INTS4: variants seen among roughly 807,000 people sequenced by gnomAD.
INTS4 encodes MSTP093.
Under a neutral mutation model 119.5 loss-of-function variants are expected in INTS4, and 70 were observed. The ratio of observed to expected loss-of-function variants is 0.59; its 90% confidence interval spans 0.48 to 0.71. INTS4 has a LOEUF of 0.71. Among genes scored for constraint, INTS4 ranks in the 30% least tolerant of loss-of-function variants. The pLI, the probability that INTS4 is intolerant of heterozygous loss-of-function variation, is 0.00. For synonymous variants in INTS4, 316 were observed against 419.6 expected, an observed-to-expected ratio of 0.75 and a Z score of 3.02; for missense variants, 867 against 1,173.2, an observed-to-expected ratio of 0.74 and a Z score of 3.81.
Position 77,921,409 on chromosome 11 carries a change from G to A in INTS4, c.1695C>T (p.Phe565=), listed in dbSNP as rs1953358035. The A allele has an allele frequency of 6.2e-7, 1 of 1,610,952 alleles. No individual in the cohort carries two copies. Among genetic ancestry groups the A allele is most frequent in the African/African-American group, 1.3e-5 (1 of 74,794 alleles). The change falls in exon 14 of 23, where the codon TTC becomes TTT. Residue 565 remains phenylalanine (F), a synonymous_variant. Transcript: ENST00000534064. ...AKTCPTMPAL[F]SDHTFRHYAY... ...CATAGTGCCTGAAGGTGTGATCTGA[G>A]AACAATGCTGGCATTGTTGGACAGG...
chr11:77,968,897 G>T (rs939507093), intron 4 of INTS4, among the ~76,000 whole-genome samples: 1 of 152,140 alleles, frequency 6.6e-6, no homozygotes, highest in Non-Finnish European at 1.5e-5. Context: ...TGGAAAAAAT[G>T]TAAATGTTGA....
intron 17 of INTS4, 109 bp downstream of exon 17, chr11:77,903,431 T>A: frequency 6.2e-7 from 1 of 1,607,260 alleles, no homozygotes; most frequent in Non-Finnish European, 8.5e-7. Flanking sequence ...CCACAACTTT[T>A]CCTGCAAGGC....
chr11:77,922,589 T>C lies in INTS4; in HGVS notation c.1515-118A>G, dbSNP rs1953390026. 5.5e-6 allele frequency: 4 copies of C among 731,172 alleles called. No individual in the cohort carries two copies. The Admixed American group carries it at 8.8e-5, about 16-fold the overall frequency. 45.3% of individuals were successfully genotyped at this position (731,172 alleles called of 1,614,324 possible). ...AATTGGAAATTCTCAACCATATACT[T>C]TTGCTAACTCTATGACTTCAGATAA... On this transcript the variant is annotated intron_variant, in intron 12 of 22. Coordinates refer to ENST00000534064, the MANE Select transcript of INTS4 (RefSeq NM_033547.4).
Position 77,960,255 on chromosome 11 carries a change from C to T in INTS4, c.708+86G>A, listed in dbSNP as rs747115213. On this transcript the variant is annotated intron_variant, in intron 6 of 22. Transcript: ENST00000534064. ...CCACTATTAACTAGCGAAGTCCTTA[C>T]GTTTTCAAATTCTGAGAACCTGTGT... The T allele has an allele frequency of 1.8e-5, 17 of 919,836 alleles. No individual in the cohort carries two copies. In the East Asian group the frequency reaches 2.4e-4, roughly 13 times the overall value. 57.0% of individuals were successfully genotyped at this position (919,836 alleles called of 1,614,324 possible). A position where few individuals can be genotyped will look rare whatever the true frequency, so the allele number is the denominator to read the frequency against.
intron 8 of INTS4, among the ~76,000 whole-genome samples, chr11:77,954,482 T>A (rs1289843245): frequency 2.6e-5 from 4 of 152,016 alleles, no homozygotes; most frequent in South Asian, 2.1e-4. Context: ...AGGGTTACTG[T>A]AAAGAGAAAA....
intron 9 of INTS4, 51 bp downstream of exon 9, chr11:77,941,129 C>T (rs767885847): frequency 1.2e-6 from 2 of 1,600,142 alleles, no homozygotes; most frequent in South Asian, 2.3e-5. Flanking sequence ...CATACTGCCC[C>T]ACTACATTGG....
chr11:77,926,034 ATT>A (rs1328545172), intron 11 of INTS4, among the ~76,000 whole-genome samples: 3 of 152,192 alleles, frequency 2.0e-5, no homozygotes, highest in Admixed American at 6.5e-5. Flanking sequence ...ATCTGAAATC[ATT>A]TTGTTTGTTT....
rs1429772985 is a variant in INTS4 at position 77,924,903 on chromosome 11, A to C, written c.1372-11T>G. The C allele has an allele frequency of 6.3e-7, 1 of 1,598,476 alleles. No homozygotes were observed. Among genetic ancestry groups the C allele is most frequent in the South Asian group, 1.1e-5 (1 of 89,412 alleles). ...ATCTCTGGATGAATCCTTTTAAAAA[A>C]AAAGTAATAATAACAGTAGTTACTG... is the stretch of plus-strand genomic sequence containing the variant. On this transcript the variant is annotated splice_polypyrimidine_tract_variant and intron_variant, in intron 11 of 22. Transcript: ENST00000534064.
chr11:77,940,642 G>A, intron 9 of INTS4, among the ~76,000 whole-genome samples: 1 of 151,922 alleles, frequency 6.6e-6, no homozygotes, highest in East Asian at 1.9e-4. Flanking sequence ...TTGTTTTTTG[G>A]GTTTTGTTTT....
At chr11:77,912,813 T>C (rs773045057) in intron 15 of INTS4, among the ~76,000 whole-genome samples, 204 of 152,174 alleles carry the variant, frequency 1.3e-3, no homozygotes, top group Non-Finnish European at 1.9e-3. Flanking sequence ...CCAGTTCCAA[T>C]ACTACACAAT....
intron 19 of INTS4, 49 bp from the exon 20 acceptor site, chr11:77,891,889 C>T (rs1392805509): frequency 2.5e-6 from 4 of 1,609,098 alleles, no homozygotes; most frequent in Admixed American, 3.3e-5. Context: ...TGCACTCATT[C>T]ACCACAGGCT....
intron 15 of INTS4, among the ~76,000 whole-genome samples, chr11:77,912,870 A>C (rs1953120724): frequency 1.3e-5 from 2 of 152,234 alleles, no homozygotes. Context: ...CAAAAAGAGG[A>C]TTTTAAATAA....
chr11:77,927,421 T>C (rs949171), intron 11 of INTS4, among the ~76,000 whole-genome samples: 88,088 of 152,006 alleles, frequency 0.58, 25,771 homozygotes, highest in African/African-American at 0.61. Context: ...TTACAAGTGT[T>C]CTAAAAACTA....
intron 21 of INTS4, among the ~76,000 whole-genome samples, chr11:77,889,679 T>C (rs1224400481): frequency 6.6e-6 from 1 of 152,214 alleles, no homozygotes; most frequent in African/African-American, 2.4e-5. Flanking sequence ...TATATCTCTA[T>C]TGAGCACCTG....
chr11:77,953,572 C>T (rs1024909911), intron 8 of INTS4, among the ~76,000 whole-genome samples: 4 of 142,894 alleles, frequency 2.8e-5, no homozygotes, highest in Admixed American at 7.2e-5. Context: ...AATTTTATCC[C>T]TTAAAAGTTA....
intron 4 of INTS4, among the ~76,000 whole-genome samples, chr11:77,975,167 A>G (rs184677243): frequency 6.6e-6 from 1 of 151,522 alleles, no homozygotes; most frequent in East Asian, 1.9e-4. Context: ...CAGCATCTTA[A>G]GTTGGAAGGT....
rs1408672054 is a variant in INTS4, at chr11:77,990,455, G to A, written c.246+653C>T. 2.0e-5 allele frequency among the ~76,000 whole-genome samples: 3 copies of A among 152,006 alleles called. No individual in the cohort carries two copies. The East Asian group carries it at 5.8e-4, about 30-fold the overall frequency. Reference sequence around the variant, plus strand: ...AATCCTAACACTTTGGGAGGCCAAGGTGGCTGCATCACTTAAAGTCAGGAG... The same window carrying A: ...AATCCTAACACTTTGGGAGGCCAAGATGGCTGCATCACTTAAAGTCAGGAG... On this transcript the variant is annotated intron_variant, in intron 2 of 22. Transcript: ENST00000534064.
chr11:77,981,815 T>C (rs956789991), intron 2 of INTS4, among the ~76,000 whole-genome samples: 2 of 151,984 alleles, frequency 1.3e-5, no homozygotes, highest in Non-Finnish European at 2.9e-5. Flanking sequence ...CAGCCTGGAG[T>C]GCAGTGCGTG....
intron 18 of INTS4, among the ~76,000 whole-genome samples, chr11:77,896,141 CAG>C (rs1724688372): frequency 6.6e-6 from 1 of 151,836 alleles, no homozygotes; most frequent in Admixed American, 6.6e-5. Context: ...TGAGAGTTAA[CAG>C]GGGATTTAAA....
Sources: gnomAD v4.1 joint callset for allele counts (sites outside exome capture counted in the v4.1 genomes callset) on GRCh38, gnomAD v4.1.1 for gene constraint, MANE v1.5 for transcripts, NCBI Gene and HGNC (gene_info 2026-07-23, HGNC 2026-07-21) for gene names.